Variants in UROC1 observed in about 807,000 individuals in gnomAD.
UROC1 encodes urocanate hydratase 1, also known as urocanate hydratase.
Under a neutral mutation model 89.5 loss-of-function variants are expected in UROC1, and 79 were observed. The observed-to-expected ratio is 0.88, with a 90% CI of 0.74 to 1.06. The LOEUF (loss-of-function observed/expected upper bound fraction) is 1.06. UROC1 is among the 50% of genes least tolerant of loss of function. The pLI, the probability that UROC1 is intolerant of heterozygous loss-of-function variation, is 0.00. For synonymous variants in UROC1, 361 were observed against 354.8 expected (o/e 1.02, Z -0.20); for missense variants, 885 against 907.8 (o/e 0.97, Z 0.32).
intron 18 of UROC1, among the ~76,000 whole-genome samples, chr3:126,485,686 T>A (rs1046357993): frequency 2.6e-5 from 4 of 151,090 alleles, no homozygotes; most frequent in Admixed American, 6.6e-5. Flanking sequence ...TGCCTTAGCC[T>A]TCTGAGTAGA....
Position 126,508,450 on chromosome 3 carries a change from C to CCA in UROC1, c.375_376dup (p.Gly126ValfsTer16). ...GTTGCTGAACACCTGCCCATTTCCT[C>CCA]CATAGGTCACCAGCTCCTGGGGAAA... On this transcript the variant is annotated frameshift_variant, in exon 4 of 20. Coordinates refer to ENST00000290868, the MANE Select transcript of UROC1 (RefSeq NM_144639.3). LOFTEE classifies it high-confidence loss of function. The CCA allele has an allele frequency of 6.2e-7, 1 of 1,613,864 alleles. No individual in the cohort carries two copies. Among genetic ancestry groups the CCA allele is most frequent in the Admixed American group, 1.7e-5 (1 of 60,002 alleles).
At chr3:126,492,860 C>T (rs1451959084) in intron 15 of UROC1, among the ~76,000 whole-genome samples, 3 of 152,264 alleles carry the variant, frequency 2.0e-5, no homozygotes, top group African/African-American at 7.2e-5. Flanking sequence ...AGCACTGCTC[C>T]TGCTCCATCC....
chr3:126,510,511 G>A (rs1463936666), intron 2 of UROC1, among the ~76,000 whole-genome samples, 153 bp downstream of exon 2: 1 of 152,170 alleles, frequency 6.6e-6, no homozygotes, highest in South Asian at 2.1e-4. Context: ...CCGAGGCGAC[G>A]ACACAGAATC....
chr3:126,492,473 C>A lies in UROC1; in HGVS notation c.1553G>T (p.Gly518Val), dbSNP rs1227394993. The A allele has an allele frequency of 1.2e-6, 2 of 1,613,496 alleles. No homozygotes were observed. Among genetic ancestry groups the A allele is most frequent in the Non-Finnish European group, 1.7e-6 (2 of 1,179,990 alleles). Residue 518 changes from glycine to valine, a missense_variant, in exon 16 of 20, where the codon GGC (glycine) becomes GTC (valine). By Grantham distance (109) the Gly-to-Val change is moderately radical (BLOSUM62 -3). Transcript: ENST00000290868. ...AATGGCCACAGCGATGGCCACGCGG[C>A]CCTTCTGGTCTGAGTACAGGATCCT... Reference protein sequence around the residue: ...QARILYSDQKGRVAIAVAINQ... With the variant: ...QARILYSDQKVRVAIAVAINQ...
In UROC1 at chr3:126,517,755, G is replaced by A. The variant is rs1212976195; in HGVS notation, c.-36C>T. Reference sequence around the variant, plus strand: ...GATGGAGGCAGAGGCCAGCACTGTGGGGAGGCCAGGAAGAGACTGGGCAGA... The same window carrying A: ...GATGGAGGCAGAGGCCAGCACTGTGAGGAGGCCAGGAAGAGACTGGGCAGA... On this transcript the variant is annotated 5_prime_UTR_variant, in exon 1 of 20. Coordinates refer to ENST00000290868, the MANE Select transcript of UROC1 (RefSeq NM_144639.3). The A allele has an allele frequency of 6.4e-7, 1 of 1,552,842 alleles. No individual in the cohort carries two copies. Among genetic ancestry groups the A allele is most frequent in the East Asian group, 2.4e-5 (1 of 41,200 alleles).
intron 18 of UROC1, among the ~76,000 whole-genome samples, chr3:126,486,219 C>T (rs1445841803): frequency 6.6e-6 from 1 of 152,242 alleles, no homozygotes; most frequent in Non-Finnish European, 1.5e-5. Flanking sequence ...AGAGGCTGCC[C>T]GAGTGGGCCC....
intron 18 of UROC1, among the ~76,000 whole-genome samples, chr3:126,483,690 C>A (rs562959177): frequency 2.6e-4 from 40 of 152,214 alleles, no homozygotes; most frequent in Non-Finnish European, 5.3e-4. Flanking sequence ...GCCCCCTGTG[C>A]TGGGCCTGTC....
intron 3 of UROC1, 109 bp from the exon 4 acceptor site, chr3:126,508,584 G>A: frequency 1.2e-6 from 1 of 858,116 alleles, no homozygotes; most frequent in South Asian, 1.4e-5. Flanking sequence ...GGGACAAGGA[G>A]AGAAGCCAGA....
intron 16 of UROC1, among the ~76,000 whole-genome samples, 190 bp from the exon 17 acceptor site, chr3:126,489,565 T>C (rs910890593): frequency 6.6e-6 from 1 of 152,186 alleles, no homozygotes; most frequent in African/African-American, 2.4e-5. Flanking sequence ...GCAGCACTCG[T>C]GTGTAATACA....
chr3:126,509,700 C>T (rs769269528), intron 2 of UROC1, 22 bp from the exon 3 acceptor site: 36 of 1,548,496 alleles, frequency 2.3e-5, no homozygotes, highest in Non-Finnish European at 2.4e-5. Context: ...AGCCCAACCA[C>T]CAGGCTGCCC....
chr3:126,508,927 T>A (rs1227762343), intron 3 of UROC1, among the ~76,000 whole-genome samples: 3 of 152,130 alleles, frequency 2.0e-5, no homozygotes, highest in African/African-American at 7.2e-5. Flanking sequence ...TGGGGCCAGA[T>A]CCATGCTACC....
In UROC1 at chr3:126,488,184, T is replaced by C. The variant is rs1183285728; in HGVS notation, c.1790+14A>G. 1.2e-6 allele frequency: 2 copies of C among 1,614,096 alleles called. No homozygotes were observed. The highest frequency in any genetic ancestry group is 2.7e-5 in the African/African-American group (2 of 74,950). ...CCACATCAGCCCACACCCTGTCCTC[T>C]GAAACCTTCTTACCAGCCCACGCCC... On this transcript the variant is annotated intron_variant, in intron 18 of 19. Transcript: ENST00000290868.
intron 18 of UROC1, among the ~76,000 whole-genome samples, chr3:126,487,140 G>T (rs927838456): frequency 4.6e-5 from 7 of 152,146 alleles, no homozygotes; most frequent in African/African-American, 1.2e-4. Context: ...GGCCCTGAGG[G>T]TGTGCACTCT....
At chr3:126,488,158 TC>T (rs1253803850) in intron 18 of UROC1, 39 bp downstream of exon 18, 1 of 1,612,058 alleles carries the variant, frequency 6.2e-7, no homozygotes, top group South Asian at 1.1e-5. Context: ...CCCCAAAACT[TC>T]CACATCAGCC....
At chr3:126,505,625 T>A (rs531699334) in intron 8 of UROC1, 76 bp downstream of exon 8, 1 of 1,520,140 alleles carries the variant, frequency 6.6e-7, no homozygotes, top group East Asian at 2.4e-5. Context: ...GTGTAAGTGA[T>A]CCGGGAGGAA....
At chr3:126,501,149 T>C in intron 10 of UROC1, 69 bp downstream of exon 10, 2 of 1,501,248 alleles carry the variant, frequency 1.3e-6, no homozygotes, top group Non-Finnish European at 9.3e-7. Flanking sequence ...CTGGTCAGCA[T>C]TGAGGTCTTT....
chr3:126,498,242 T>C, intron 13 of UROC1, 70 bp from the exon 14 acceptor site: 1 of 1,611,352 alleles, frequency 6.2e-7, no homozygotes, highest in Non-Finnish European at 8.5e-7. Flanking sequence ...GGTGTGAGCA[T>C]GCCAGGGAGG....
At position 126,505,985 on chromosome 3, in the gene UROC1, T is replaced by C; in HGVS notation, c.629A>G (p.Tyr210Cys). 1 of 1,613,268 alleles carries C rather than the reference T, an allele frequency of 6.2e-7. No homozygotes were observed. Among genetic ancestry groups the C allele is most frequent in the Non-Finnish European group, 8.5e-7 (1 of 1,179,984 alleles). Residue 210 changes from tyrosine (Y) to cysteine (C), a missense_variant, in exon 7 of 20, where the codon TAC becomes TGC. By Grantham distance (194) the Tyr-to-Cys change is radical. Coordinates refer to ENST00000290868, the MANE Select transcript of UROC1 (RefSeq NM_144639.3). ...TMYGQMTAGS[Y>C]CYIGPQGIVH... ...GATTCCCTGGGGACCGATGTAGCAG[T>C]AGCTACCTGCTGTCATCTGGCCGTA...
chr3:126,510,051 C>G (rs1304112887), intron 2 of UROC1, among the ~76,000 whole-genome samples: 2 of 152,232 alleles, frequency 1.3e-5, no homozygotes, highest in African/African-American at 4.8e-5. Context: ...CCCGGAGGTA[C>G]TGGCTGGAGT....
Sources: gnomAD v4.1 joint callset for allele counts (sites outside exome capture counted in the v4.1 genomes callset) on GRCh38, gnomAD v4.1.1 for gene constraint, MANE v1.5 for transcripts, NCBI Gene and HGNC (gene_info 2026-07-23, HGNC 2026-07-21) for gene names.